Variants in GMNC observed in about 807,000 individuals in gnomAD.
GMNC encodes the protein geminin coiled-coil domain containing.
Under a neutral mutation model 33.6 loss-of-function variants are expected in GMNC, and 16 were observed. The observed-to-expected ratio is 0.48, with a 90% CI of 0.32 to 0.72. The LOEUF (loss-of-function observed/expected upper bound fraction) is 0.72, where lower values mean the gene tolerates loss of function less well. Among genes scored for constraint, GMNC ranks in the 30% least tolerant of loss-of-function variants. The pLI is 0.03. For synonymous variants in GMNC, 156 were observed against 147.3 expected (o/e 1.06, Z -0.43); for missense variants, 393 against 388.9 (o/e 1.01, Z -0.09).
chr3:190,862,212 G>C lies in GMNC; in HGVS notation c.3+401C>G, dbSNP rs1737885141. Among the ~76,000 whole-genome samples the C allele has an allele frequency of 6.6e-6, 1 of 152,116 alleles. No individual in the cohort carries two copies. Among genetic ancestry groups the C allele is most frequent in the Admixed American group, 6.5e-5 (1 of 15,278 alleles). Reference sequence around the variant, plus strand: ...CTAAGCTATTATGCAATTGATACCTGAGAAGAAAACAAACTTCAAATATCC... The same window carrying C: ...CTAAGCTATTATGCAATTGATACCTCAGAAGAAAACAAACTTCAAATATCC... On this transcript the variant is annotated intron_variant, in intron 1 of 4. Coordinates refer to ENST00000442080, the MANE Select transcript of GMNC (RefSeq NM_001146686.3). This position sits in a 1 kb window ranked among gnomAD's most constrained non-coding sequence, Gnocchi z 4.5.
the GMNC span, among the ~76,000 whole-genome samples, chr3:190,846,865 T>C: frequency 6.6e-6 from 1 of 152,230 alleles, no homozygotes; most frequent in Admixed American, 6.5e-5. Flanking sequence ...ACATCATAAA[T>C]ATTAGGTCGC....
chr3:190,856,332 TAA>T (rs1277891000), intron 4 of GMNC, among the ~76,000 whole-genome samples: 1 of 142,166 alleles, frequency 7.0e-6, no homozygotes, highest in South Asian at 2.1e-4. Flanking sequence ...TATTTATAAA[TAA>T]ATAAAAATAT....
Position 190,861,517 on chromosome 3 carries a change from C to T in GMNC, c.4-659G>A, listed in dbSNP as rs1165922673. Reference sequence around the variant, plus strand: ...ATCTATCTATCTATCTATCTCTGTCCCAGAGATAATTAAAACATTTTGCTC... The same window carrying T: ...ATCTATCTATCTATCTATCTCTGTCTCAGAGATAATTAAAACATTTTGCTC... On this transcript the variant is annotated intron_variant, in intron 1 of 4. Coordinates refer to ENST00000442080, the MANE Select transcript of GMNC (RefSeq NM_001146686.3). The surrounding 1 kb of genome is among the most constrained non-coding windows in gnomAD (Gnocchi z 5.1). 6.9e-6 allele frequency among the ~76,000 whole-genome samples: 1 copy of T among 144,636 alleles called. No individual in the cohort carries two copies. Among genetic ancestry groups the T allele is most frequent in the Non-Finnish European group, 1.5e-5 (1 of 65,634 alleles). 94.9% of individuals were successfully genotyped at this position (144,636 alleles called of 152,430 possible).
In GMNC at chr3:190,862,674, G is replaced by C. The variant is rs567456301; in HGVS notation, c.-59C>G. Reference sequence around the variant, plus strand: ...CCCACTCAATTTTTCAGTAAAACCAGTGGGAGCTTTAAATGAGACTGAGGG... The same window carrying C: ...CCCACTCAATTTTTCAGTAAAACCACTGGGAGCTTTAAATGAGACTGAGGG... On this transcript the variant is annotated 5_prime_UTR_variant, in exon 1 of 5. Coordinates refer to ENST00000442080, the MANE Select transcript of GMNC (RefSeq NM_001146686.3). The surrounding 1 kb of genome is among the most constrained non-coding windows in gnomAD (Gnocchi z 4.5). The C allele has an allele frequency of 1.3e-6, 2 of 1,551,730 alleles. No individual in the cohort carries two copies. The highest frequency in any genetic ancestry group is 8.7e-7 in the Non-Finnish European group (1 of 1,146,724).
At chr3:190,850,231 TTACACTTCTATC>T (rs1433853445), downstream of GMNC, among the ~76,000 whole-genome samples, 13 of 152,328 alleles carry the variant, frequency 8.5e-5, no homozygotes, top group African/African-American at 2.4e-4. Flanking sequence ...CCTCCATACT[TTACACTTCTATC>T]TCTGAGATTT....
intron 2 of GMNC, 84 bp from the exon 3 acceptor site, chr3:190,859,100 T>C (rs976425962): frequency 2.5e-5 from 20 of 805,388 alleles, no homozygotes; most frequent in Non-Finnish European, 3.4e-5. Flanking sequence ...AATCAGAAAG[T>C]TTAATAGGTT....
intron 3 of GMNC, chr3:190,858,107 A>T (rs776261698): frequency 3.6e-5 from 20 of 557,840 alleles, no homozygotes; most frequent in Non-Finnish European, 5.8e-5. Context: ...ATGTTCATTC[A>T]TTGCAAAGCA....
chr3:190,860,841 G>A lies in GMNC; in HGVS notation c.21C>T (p.Cys7=). The A allele has an allele frequency of 6.5e-7, 1 of 1,549,876 alleles. No individual in the cohort carries two copies. The highest frequency in any genetic ancestry group is 8.7e-7 in the Non-Finnish European group (1 of 1,145,878). The change falls in exon 2 of 5, where the codon TGC becomes TGT. Residue 7 remains cysteine (C), a synonymous_variant. Transcript: ENST00000442080. MNTILP[C]QDQYFVGGQS... is the part of the protein sequence containing the mutation. ...GGCCTCCTACAAAGTACTGGTCTTG[G>A]CAAGGCAGAATGGTGTTCTGTGAAA...
In GMNC at chr3:190,861,885, T is replaced by C. The variant is rs956037383; in HGVS notation, c.3+728A>G. 3.9e-5 allele frequency among the ~76,000 whole-genome samples: 6 copies of C among 152,166 alleles called. No homozygotes were observed. The highest frequency in any genetic ancestry group is 3.9e-4 in the Admixed American group (6 of 15,274). The stretch of plus-strand genomic sequence containing the variant: ...GCCATTCATTTTAGCAGAGCCCAGC[T>C]TTGGAAAAACTCTTTTTGACTACTA... On this transcript the variant is annotated intron_variant, in intron 1 of 4. Coordinates refer to ENST00000442080, the MANE Select transcript of GMNC (RefSeq NM_001146686.3). This position sits in a 1 kb window ranked among gnomAD's most constrained non-coding sequence, Gnocchi z 5.1.
intron 1 of GMNC, 64 bp from the exon 2 acceptor site, chr3:190,860,922 G>A: frequency 2.5e-6 from 3 of 1,202,338 alleles, no homozygotes; most frequent in Non-Finnish European, 3.5e-6. Flanking sequence ...GATTTAGAAG[G>A]GGGAAAGGGT....
downstream of GMNC, among the ~76,000 whole-genome samples, chr3:190,851,179 A>T (rs1189834188): frequency 3.3e-5 from 5 of 152,198 alleles, no homozygotes; most frequent in African/African-American, 1.2e-4. Context: ...TCATATGTGG[A>T]TACCCTAGTC....
downstream of GMNC, among the ~76,000 whole-genome samples, chr3:190,850,692 T>G (rs1008840590): frequency 6.6e-6 from 1 of 152,196 alleles, no homozygotes; most frequent in Non-Finnish European, 1.5e-5. Flanking sequence ...ATCTTTCCTA[T>G]TCGTGTGACA....
At chr3:190,859,435 T>C (rs1737815787) in intron 2 of GMNC, among the ~76,000 whole-genome samples, 2 of 152,212 alleles carry the variant, frequency 1.3e-5, no homozygotes, top group Non-Finnish European at 2.9e-5. Flanking sequence ...CTTGATAATG[T>C]ACTGTTTGGC....
At chr3:190,843,830 T>TCTC in the GMNC span, among the ~76,000 whole-genome samples, 1 of 152,210 alleles carries the variant, frequency 6.6e-6, no homozygotes, top group African/African-American at 2.4e-5. Flanking sequence ...TGATAATGTT[T>TCTC]CTCCACATTC....
intron 4 of GMNC, among the ~76,000 whole-genome samples, chr3:190,857,187 T>C (rs548253532): frequency 6.6e-6 from 1 of 150,788 alleles, no homozygotes; most frequent in East Asian, 1.9e-4. Context: ...TGGCAAGTTA[T>C]TTATCCTTGA....
At position 190,857,908 on chromosome 3, in the gene GMNC, A is replaced by G. The variant is rs1737782708; in HGVS notation, c.268-9T>C. On this transcript the variant is annotated splice_polypyrimidine_tract_variant and intron_variant, in intron 3 of 4. Coordinates refer to ENST00000442080, the MANE Select transcript of GMNC (RefSeq NM_001146686.3). Reference sequence around the variant, plus strand: ...ACCAGGGTATCTTGCAGCTACAAAAAGCAGACAGTGGTGAAGGCTGCTCCA... The same window carrying G: ...ACCAGGGTATCTTGCAGCTACAAAAGGCAGACAGTGGTGAAGGCTGCTCCA... 1 of 1,467,778 alleles carries G rather than the reference A, an allele frequency of 6.8e-7. No homozygotes were observed. The highest frequency in any genetic ancestry group is 1.2e-5 in the South Asian group (1 of 82,372). 90.9% of individuals were successfully genotyped at this position (1,467,778 alleles called of 1,614,324 possible). A position where few individuals can be genotyped will look rare whatever the true frequency, so the allele number is the denominator to read the frequency against.
At chr3:190,858,753 T>C (rs910470239) in intron 3 of GMNC, among the ~76,000 whole-genome samples, 175 bp downstream of exon 3, 20 of 152,204 alleles carry the variant, frequency 1.3e-4, no homozygotes, top group African/African-American at 4.8e-4. Context: ...GTCTTGCTTG[T>C]TTTTCTTTTC....
chr3:190,844,068 T>C, the GMNC span, among the ~76,000 whole-genome samples: 2 of 152,176 alleles, frequency 1.3e-5, no homozygotes, highest in Non-Finnish European at 2.9e-5. Context: ...TAAAACGTCT[T>C]GAGTATTTGT....
At chr3:190,843,605 G>C in the GMNC span, among the ~76,000 whole-genome samples, 1 of 152,090 alleles carries the variant, frequency 6.6e-6, no homozygotes, top group South Asian at 2.1e-4. Flanking sequence ...TGTGTCCCAG[G>C]CTCCCTCCCA....
Sources: allele counts gnomAD v4.1 joint callset (sites outside exome capture counted in the v4.1 genomes callset), GRCh38; gene constraint gnomAD v4.1.1; non-coding constraint Gnocchi (gnomAD v3.1); transcripts MANE v1.5; gene names NCBI Gene and HGNC (gene_info 2026-07-23, HGNC 2026-07-21).